The following CDH18 variants were observed in gnomAD, a reference collection of about 807,000 sequenced individuals.
CDH18 encodes cadherin 18, also known as cadherin-18.
CDH18 carries 31 observed loss-of-function variants against 67.9 expected under a neutral mutation model. The ratio of observed to expected loss-of-function variants is 0.46; its 90% CI spans 0.34 to 0.62. CDH18 has a LOEUF of 0.62. Ranked by LOEUF, CDH18 falls within the 20% of genes least tolerant of loss-of-function variation. The probability of loss-of-function intolerance (pLI) is 0.01; values close to 1 mark genes in which losing one functional copy is unlikely to be tolerated. For synonymous variants in CDH18, 362 were observed against 347.2 expected (o/e 1.04, Z -0.48); for missense variants, 890 against 975.5 (o/e 0.91, Z 1.17).
intron 2 of CDH18, among the ~76,000 whole-genome samples, chr5:19,934,253 G>C (rs992484092): frequency 6.6e-6 from 1 of 151,444 alleles, no homozygotes; most frequent in African/African-American, 2.4e-5. Context: ...ATGAACATTA[G>C]ATGTGAGAAG....
At chr5:20,446,525 T>C (rs1750016303) in intron 1 of CDH18, among the ~76,000 whole-genome samples, 1 of 152,136 alleles carries the variant, frequency 6.6e-6, no homozygotes, top group Non-Finnish European at 1.5e-5. Context: ...AAAGGTGCAT[T>C]AAAGATTTGT....
chr5:19,582,364 T>G (rs1194798650), intron 7 of CDH18, among the ~76,000 whole-genome samples: 1 of 152,036 alleles, frequency 6.6e-6, no homozygotes, highest in African/African-American at 2.4e-5. Context: ...TAAACTGTAT[T>G]TTAGGAATAT....
chr5:20,070,632 T>C (rs2150524514), intron 2 of CDH18, among the ~76,000 whole-genome samples: 1 of 152,286 alleles, frequency 6.6e-6, no homozygotes, highest in Admixed American at 6.5e-5. Context: ...TGCACCAATG[T>C]TTTGCAGATG....
At chr5:19,678,677 T>C (rs1759838770) in intron 5 of CDH18, among the ~76,000 whole-genome samples, 1 of 151,680 alleles carries the variant, frequency 6.6e-6, no homozygotes, top group African/African-American at 2.4e-5. Flanking sequence ...AACACTTCCA[T>C]GCACACAACC....
chr5:19,736,419 A>G (rs1045193143), intron 4 of CDH18, among the ~76,000 whole-genome samples: 6 of 152,190 alleles, frequency 3.9e-5, no homozygotes, highest in African/African-American at 1.4e-4. Flanking sequence ...TGGGGGAGAC[A>G]TGACACAGAA....
At chr5:20,082,541 T>G (rs1048046236) in intron 2 of CDH18, among the ~76,000 whole-genome samples, 2 of 152,314 alleles carry the variant, frequency 1.3e-5, no homozygotes, top group Admixed American at 6.5e-5. Flanking sequence ...GCCATTTCAG[T>G]TCTTCATTTT....
chr5:20,101,839 C>T (rs1351078908), intron 2 of CDH18, among the ~76,000 whole-genome samples: 7 of 152,060 alleles, frequency 4.6e-5, no homozygotes, highest in South Asian at 2.1e-4. Flanking sequence ...TTTGGGAGGC[C>T]GAGGCGGGCG....
intron 1 of CDH18, among the ~76,000 whole-genome samples, chr5:20,558,072 GAATT>G (rs1272875169): frequency 6.6e-6 from 1 of 151,368 alleles, no homozygotes; most frequent in Non-Finnish European, 1.5e-5. Flanking sequence ...GATTGTTATA[GAATT>G]ATTTCATTCA....
At chr5:20,167,816 T>C (rs1485558155) in intron 2 of CDH18, among the ~76,000 whole-genome samples, 4 of 152,126 alleles carry the variant, frequency 2.6e-5, no homozygotes, top group African/African-American at 7.2e-5. Flanking sequence ...GAGCAGGGGG[T>C]AAAAACACTT....
In CDH18 at chr5:19,921,726, A is replaced by T. The variant is rs1792504615; in HGVS notation, c.-257+59334T>A. On this transcript the variant is annotated intron_variant, in intron 2 of 12. Transcript: ENST00000382275. ...AAAGTCTTAAAAAGGGATATGCAAC[A>T]TCAGTCATAAGTAGAAAAGTTCAAA... 2.0e-5 allele frequency among the ~76,000 whole-genome samples: 3 copies of T among 152,178 alleles called. No individual in the cohort carries two copies. In the South Asian group the frequency reaches 6.2e-4, roughly 32 times the overall value.
chr5:19,648,563 T>C (rs1295680652), intron 5 of CDH18, among the ~76,000 whole-genome samples: 1 of 151,910 alleles, frequency 6.6e-6, no homozygotes, highest in African/African-American at 2.4e-5. Context: ...AATATCAGGG[T>C]CTGCCTAATT....
intron 6 of CDH18, among the ~76,000 whole-genome samples, chr5:19,597,028 G>A (rs765315244): frequency 7.9e-5 from 12 of 152,138 alleles, no homozygotes; most frequent in Non-Finnish European, 1.6e-4. Flanking sequence ...AAAAGTAATC[G>A]GACATCTCTT....
intron 1 of CDH18, among the ~76,000 whole-genome samples, chr5:20,422,123 A>G (rs926844625): frequency 1.3e-5 from 2 of 151,064 alleles, no homozygotes; most frequent in African/African-American, 4.9e-5. Context: ...AACAGAATTA[A>G]CTACTTTGTG....
intron 2 of CDH18, among the ~76,000 whole-genome samples, chr5:19,994,780 G>A (rs1225054123): frequency 6.3e-5 from 5 of 79,364 alleles, no homozygotes; most frequent in East Asian, 4.1e-4. Flanking sequence ...GAGAGAGAGA[G>A]AGAGAGAGAG....
intron 8 of CDH18, among the ~76,000 whole-genome samples, chr5:19,561,558 A>G (rs1739455351): frequency 6.6e-6 from 1 of 152,118 alleles, no homozygotes; most frequent in South Asian, 2.1e-4. Context: ...TTCAGTGTAT[A>G]CTGATCAGGT....
At chr5:19,810,049 G>A (rs1778475809) in intron 3 of CDH18, among the ~76,000 whole-genome samples, 1 of 152,162 alleles carries the variant, frequency 6.6e-6, no homozygotes, top group African/African-American at 2.4e-5. Flanking sequence ...TCAAAATGAG[G>A]CCTGGTGAGG....
At chr5:20,318,399 G>C (rs941180069) in intron 1 of CDH18, among the ~76,000 whole-genome samples, 1 of 152,090 alleles carries the variant, frequency 6.6e-6, no homozygotes, top group African/African-American at 2.4e-5. Flanking sequence ...GGTGTAGTTT[G>C]GATCTGTGTC....
intron 2 of CDH18, among the ~76,000 whole-genome samples, chr5:19,893,580 C>G (rs1435741599): frequency 6.6e-6 from 1 of 152,134 alleles, no homozygotes; most frequent in East Asian, 1.9e-4. Context: ...CATTTTCTCT[C>G]TCTTTCTCTC....
chr5:19,603,033 A>G (rs1747411308), intron 6 of CDH18, among the ~76,000 whole-genome samples: 1 of 152,148 alleles, frequency 6.6e-6, no homozygotes, highest in Non-Finnish European at 1.5e-5. Flanking sequence ...CTGGATATAT[A>G]CTTAAAAGCA....
Sources: gnomAD v4.1 joint callset for allele counts (sites outside exome capture counted in the v4.1 genomes callset) on GRCh38, gnomAD v4.1.1 for gene constraint, MANE v1.5 for transcripts, NCBI Gene and HGNC (gene_info 2026-07-23, HGNC 2026-07-21) for gene names.